The following STK31 variants were observed in gnomAD, a reference collection of about 807,000 sequenced individuals.
STK31 encodes the protein serine/threonine-protein kinase 31.
In STK31, 89 loss-of-function variants were observed where a neutral mutation model predicts 129.7. That is an observed-to-expected ratio of 0.69 (90% CI 0.58 to 0.82). The LOEUF (loss-of-function observed/expected upper bound fraction) is 0.82. STK31 is among the 40% of genes least tolerant of loss of function. The pLI is 0.00. For synonymous variants in STK31, 448 were observed against 395.3 expected (o/e 1.13, Z -1.58); for missense variants, 1,187 against 1,176.4 (o/e 1.01, Z -0.13).
rs199556923 is a variant in STK31, at chr7:23,754,392, C to G, written c.1211C>G (p.Thr404Ser). 81 of 1,613,856 alleles carry G rather than the reference C, an allele frequency of 5.0e-5. 1 individual carries two copies. Among genetic ancestry groups the G allele is most frequent in the Admixed American group, 3.3e-5 (2 of 59,988 alleles). The change falls in exon 10 of 24, where the codon ACT becomes AGT. Residue 404 changes from threonine (T) to serine (S), a missense_variant. This residue lies in a region of STK31 where 975 missense variants were observed against 934.9 expected (regional missense o/e 1.04). Transcript: ENST00000355870. ...IQVLDEGCFT[T>S]PASLNGLEII... is the part of the protein sequence containing the mutation. ...GTGTTGGATGAAGGGTGCTTTACTA[C>G]TCCAGCTTCTTTGAATGGATTAGAG...
intron 22 of STK31, among the ~76,000 whole-genome samples, chr7:23,801,535 T>C (rs1284938876): frequency 6.6e-6 from 1 of 152,058 alleles, no homozygotes; most frequent in East Asian, 1.9e-4. Context: ...GAGAAAAGGG[T>C]TTTAATTTTG....
chr7:23,729,488 G>A lies in STK31; in HGVS notation c.483+239G>A, dbSNP rs559770240. ...TAAATAGTTTCCTTCTGATGTAAAT[G>A]TTTAAAAGGATAGTCTCTTTTTGTT... On this transcript the variant is annotated intron_variant, in intron 6 of 23. Transcript: ENST00000355870. Among the ~76,000 whole-genome samples, 36 of 148,524 alleles carry A rather than the reference G, an allele frequency of 2.4e-4. 1 individual carries two copies. The highest frequency in any genetic ancestry group is 6.5e-4 in the South Asian group (3 of 4,650).
At chr7:23,771,886 G>T (rs933282495) in intron 14 of STK31, 9 of 217,174 alleles carry the variant, frequency 4.1e-5, no homozygotes, top group Admixed American at 1.2e-4. Context: ...CTAACAATGT[G>T]TGTTTTATTG....
chr7:23,768,562 TA>T (rs111836062), intron 11 of STK31, among the ~76,000 whole-genome samples: 3 of 152,242 alleles, frequency 2.0e-5, no homozygotes, highest in African/African-American at 7.2e-5. Context: ...GAAGGGTGAT[TA>T]GGGGTGGAGA....
chr7:23,795,948 G>A (rs890869246), intron 22 of STK31, among the ~76,000 whole-genome samples: 11 of 152,196 alleles, frequency 7.2e-5, no homozygotes, highest in African/African-American at 2.7e-4. Context: ...GAAGGAACTT[G>A]CCTTATTTCA....
intron 22 of STK31, 21 bp downstream of exon 22, chr7:23,790,967 A>G (rs750717559): frequency 2.3e-5 from 34 of 1,510,064 alleles, no homozygotes; most frequent in Non-Finnish European, 2.7e-5. Flanking sequence ...TTTTTGTTGA[A>G]ATAGATCATA....
At chr7:23,749,105 T>A (rs1788527929) in intron 8 of STK31, among the ~76,000 whole-genome samples, 1 of 152,252 alleles carries the variant, frequency 6.6e-6, no homozygotes. Context: ...TATCTAACAT[T>A]TCTTTTTGGT....
intron 20 of STK31, among the ~76,000 whole-genome samples, chr7:23,787,676 C>G (rs73082955): frequency 0.055 from 8,377 of 151,676 alleles, 280 homozygotes; most frequent in East Asian, 0.12. Flanking sequence ...TGAAACCAAC[C>G]CCCTGCATCC....
chr7:23,805,650 T>C (rs529040026), intron 22 of STK31, among the ~76,000 whole-genome samples: 4 of 151,332 alleles, frequency 2.6e-5, no homozygotes, highest in Admixed American at 2.6e-4. Context: ...TCTTGACTCA[T>C]TTTTGAATTT....
intron 10 of STK31, among the ~76,000 whole-genome samples, chr7:23,760,940 G>A (rs1487230628): frequency 6.6e-6 from 1 of 152,044 alleles, no homozygotes; most frequent in African/African-American, 2.4e-5. Context: ...TCCTGGGATT[G>A]CAAGTGTTAG....
At chr7:23,776,045 C>T (rs907399816) in intron 15 of STK31, among the ~76,000 whole-genome samples, 1,812 of 74,802 alleles carry the variant, frequency 0.024, no homozygotes, top group South Asian at 0.031. Flanking sequence ...AGAAGTGTGT[C>T]AAATTTTATC....
At chr7:23,719,062 G>C (rs920898672) in intron 4 of STK31, among the ~76,000 whole-genome samples, 1 of 151,726 alleles carries the variant, frequency 6.6e-6, no homozygotes, top group African/African-American at 2.4e-5. Context: ...CTTTGGAAGG[G>C]GTCTTGTGAA....
At chr7:23,774,148 A>G (rs1248963980) in intron 15 of STK31, among the ~76,000 whole-genome samples, 5 of 152,146 alleles carry the variant, frequency 3.3e-5, no homozygotes, top group African/African-American at 9.7e-5. Flanking sequence ...TCCATGGTGT[A>G]TATGTGCCAC....
intron 8 of STK31, among the ~76,000 whole-genome samples, chr7:23,740,560 A>ATG (rs1787998253): frequency 2.0e-5 from 3 of 151,998 alleles, no homozygotes; most frequent in Admixed American, 2.0e-4. Flanking sequence ...TTTGTTACAT[A>ATG]CGTATACATG....
intron 1 of STK31, among the ~76,000 whole-genome samples, chr7:23,711,807 T>C (rs990983462): frequency 6.6e-6 from 1 of 152,204 alleles, no homozygotes. Context: ...TGTTTCAAAG[T>C]ATTGATTTAT....
intron 7 of STK31, among the ~76,000 whole-genome samples, chr7:23,736,347 T>C (rs1787716743): frequency 6.6e-6 from 1 of 152,194 alleles, no homozygotes; most frequent in Admixed American, 6.5e-5. Context: ...AGTTTGATTA[T>C]TCCGAATACT....
rs1792686687 is a variant in STK31 at position 23,806,045 on chromosome 7, T to C, written c.2761-9099T>C. ...CTCGAGGCTCCATGCAAGACCACCT[T>C]CTGCCTTCACATCACATATTATTAA... On this transcript the variant is annotated intron_variant, in intron 22 of 23. Transcript: ENST00000355870. Among the ~76,000 whole-genome samples, 3 of 152,186 alleles carry C rather than the reference T, an allele frequency of 2.0e-5. No individual in the cohort carries two copies. In the South Asian group the frequency reaches 6.2e-4, roughly 32 times the overall value.
chr7:23,813,098 T>TTG (rs398004031), intron 22 of STK31, among the ~76,000 whole-genome samples: 2 of 147,868 alleles, frequency 1.4e-5, no homozygotes, highest in Admixed American at 6.7e-5. Context: ...TTTTTTTTTT[T>TTG]GTCTGTTTTC....
intron 22 of STK31, chr7:23,811,785 T>G (rs1793150070): frequency 6.6e-6 from 1 of 152,386 alleles, no homozygotes; most frequent in African/African-American, 2.4e-5. Flanking sequence ...GTTTTCCTAG[T>G]GGTTGGTTTG....
Sources: allele counts gnomAD v4.1 joint callset (sites outside exome capture counted in the v4.1 genomes callset), GRCh38; gene constraint gnomAD v4.1.1; regional missense constraint gnomAD v4.1.1; transcripts MANE v1.5; gene names NCBI Gene and HGNC (gene_info 2026-07-23, HGNC 2026-07-21).